Variants in CCNG1 observed in about 807,000 individuals in gnomAD.
CCNG1 encodes the protein cyclin-G1.
CCNG1 carries 13 observed loss-of-function variants against 30.0 expected under a neutral mutation model. The ratio of observed to expected loss-of-function variants is 0.43; its 90% CI spans 0.28 to 0.69. The LOEUF (loss-of-function observed/expected upper bound fraction) is 0.69. CCNG1 is among the 30% of genes least tolerant of loss of function. CCNG1 has a pLI of 0.16. For synonymous variants in CCNG1, 110 were observed against 121.5 expected (o/e 0.91, Z 0.62); for missense variants, 285 against 331.4 (o/e 0.86, Z 1.09).
intron 1 of CCNG1, among the ~76,000 whole-genome samples, chr5:163,438,712 A>G (rs1339976728): frequency 6.6e-6 from 1 of 152,202 alleles, no homozygotes; most frequent in Non-Finnish European, 1.5e-5. Flanking sequence ...TTTCTTGAAG[A>G]TTTGCATTTT....
rs986873915 is a variant in CCNG1 at position 163,444,792 on chromosome 5, A to T, written c.*1122A>T. 9.2e-5 allele frequency: 14 copies of T among 152,664 alleles called. No individual in the cohort carries two copies. Among genetic ancestry groups the T allele is most frequent in the African/African-American group, 3.4e-4 (14 of 41,456 alleles). The allele number at this position is 152,664 out of a possible 1,614,324, so 9.5% of individuals were successfully genotyped here. The stretch of plus-strand genomic sequence containing the variant: ...GCTATATCCAATTTGACATCACGTT[A>T]TGGATCAGTACACAATGAAAAACCA... On this transcript the variant is annotated 3_prime_UTR_variant, in exon 7 of 7. Coordinates refer to ENST00000340828, the MANE Select transcript of CCNG1 (RefSeq NM_004060.4).
chr5:163,445,306 T>G (rs1561622071), downstream of CCNG1, among the ~76,000 whole-genome samples: 1 of 152,124 alleles, frequency 6.6e-6, no homozygotes. Context: ...ATTAATAATA[T>G]GACTATTAGC....
In CCNG1 at chr5:163,441,160, C is replaced by T. The variant is rs142761950; in HGVS notation, c.347C>T (p.Pro116Leu). 3 of 1,613,788 alleles carry T rather than the reference C, an allele frequency of 1.9e-6. No homozygotes were observed. Among genetic ancestry groups the T allele is most frequent in the African/African-American group, 2.7e-5 (2 of 74,878 alleles). The change falls in exon 3 of 7, where the codon CCA (proline) becomes CTA (leucine). Residue 116 changes from proline to leucine, a missense_variant. Transcript: ENST00000340828. ...VKSIEEERNVPLATDLIRISQ... is the reference protein window; with the variant it reads ...VKSIEEERNVLLATDLIRISQ... ...TCAATAGAAGAGGAAAGGAATGTCCCATTGGCAACTGACTTGATCCGAATA... is the reference window on the plus strand; with the variant it reads ...TCAATAGAAGAGGAAAGGAATGTCCTATTGGCAACTGACTTGATCCGAATA...
At chr5:163,439,609 C>T in intron 2 of CCNG1, 89 bp downstream of exon 2, 4 of 1,051,976 alleles carry the variant, frequency 3.8e-6, no homozygotes, top group African/African-American at 2.1e-5. Context: ...TAAACTTGAC[C>T]TTTTTTTTTT....
At chr5:163,453,173 T>C in the CCNG1 span, 1 of 152,088 alleles carries the variant, frequency 6.6e-6, no homozygotes, top group African/African-American at 2.4e-5. Context: ...GATTTAAAAT[T>C]TTTTCAAGAG....
the CCNG1 span, chr5:163,457,054 GA>G: frequency 6.2e-7 from 1 of 1,603,652 alleles, no homozygotes; most frequent in Non-Finnish European, 8.5e-7. Flanking sequence ...GTCTTTGTAA[GA>G]ACAATACGAA....
In CCNG1 at chr5:163,442,401, C is replaced by T; in HGVS notation, c.724C>T (p.Gln242Ter). The T allele has an allele frequency of 6.2e-7, 1 of 1,612,836 alleles. No individual in the cohort carries two copies. The highest frequency in any genetic ancestry group is 8.5e-7 in the Non-Finnish European group (1 of 1,179,526). Reference sequence around the variant, plus strand: ...AAATGGCAGAGATCTGACCTTCTGGCAAGAGCTTGTATCCAAATGTTTAAC... The same window carrying T: ...AAATGGCAGAGATCTGACCTTCTGGTAAGAGCTTGTATCCAAATGTTTAAC... ...KINGRDLTFW[Q>*]ELVSKCLTEY... is the part of the protein sequence containing the mutation. The change falls in exon 6 of 7, where the codon CAA becomes TAA. Residue 242 changes from glutamine (Q) to a stop codon, truncating the protein, a stop_gained. Transcript: ENST00000340828. LOFTEE classifies it high-confidence loss of function.
At position 163,439,314 on chromosome 5, in the gene CCNG1, C is replaced by CT; in HGVS notation, c.59dup (p.Leu21ValfsTer6). The CT allele has an allele frequency of 1.2e-6, 2 of 1,614,032 alleles. No homozygotes were observed. The highest frequency in any genetic ancestry group is 2.2e-5 in the South Asian group (2 of 91,086). On this transcript the variant is annotated frameshift_variant, in exon 2 of 7. Transcript: ENST00000340828. LOFTEE classifies it high-confidence loss of function. ...GAAACTGCTACACCAGCTGAATGCC[C>CT]TGTTGGAACAGGAGTCTAGATGTCA...
Position 163,441,386 on chromosome 5 carries a change from T to C in CCNG1, c.518+55T>C, listed in dbSNP as rs370880408. 1,113 of 1,497,236 alleles carry C rather than the reference T, an allele frequency of 7.4e-4. 12 individuals are homozygous for C. In the South Asian group the frequency reaches 0.012, roughly 16 times the overall value. The allele number at this position is 1,497,236 out of a possible 1,614,324, so 92.7% of individuals were successfully genotyped here. On this transcript the variant is annotated intron_variant, in intron 3 of 6. Transcript: ENST00000340828. ...ATTTGGAAATCAGAATGGTATTGTATGGATATTGCATAAAATCAGTATCCT... is the reference window on the plus strand; with the variant it reads ...ATTTGGAAATCAGAATGGTATTGTACGGATATTGCATAAAATCAGTATCCT...
chr5:163,453,654 C>T, the CCNG1 span: 2 of 180,476 alleles, frequency 1.1e-5, no homozygotes, highest in African/African-American at 2.3e-5. Context: ...CCCTTCATTT[C>T]ACATGATCTA....
the CCNG1 span, among the ~76,000 whole-genome samples, chr5:163,455,753 G>A: frequency 3.5e-5 from 5 of 142,636 alleles, no homozygotes; most frequent in Middle Eastern, 3.7e-3. Flanking sequence ...AAAAAAAAAA[G>A]AACTGCTCTA....
intron 1 of CCNG1, among the ~76,000 whole-genome samples, chr5:163,438,886 C>T (rs576542746): frequency 6.6e-6 from 1 of 152,184 alleles, no homozygotes; most frequent in East Asian, 1.9e-4. Context: ...ATTAGCTGGG[C>T]GCGGTGGCGC....
chr5:163,448,595 A>AGAAT (rs1430124543), downstream of CCNG1: 2 of 152,246 alleles, frequency 1.3e-5, no homozygotes, highest in Non-Finnish European at 2.9e-5. Flanking sequence ...TCTTCCAGAA[A>AGAAT]GAATAATCAC....
the CCNG1 span, among the ~76,000 whole-genome samples, chr5:163,456,597 G>C: frequency 5.3e-5 from 8 of 152,064 alleles, no homozygotes; most frequent in Non-Finnish European, 1.2e-4. Flanking sequence ...CATGGAATGG[G>C]GAGAATGGTG....
chr5:163,455,259 A>T, the CCNG1 span, among the ~76,000 whole-genome samples: 1 of 152,256 alleles, frequency 6.6e-6, no homozygotes, highest in African/African-American at 2.4e-5. Flanking sequence ...CTGTGGGAGA[A>T]GAGCATTGCA....
the CCNG1 span, among the ~76,000 whole-genome samples, chr5:163,455,316 A>G: frequency 6.6e-6 from 1 of 152,242 alleles, no homozygotes; most frequent in Admixed American, 6.5e-5. Context: ...AAGGAACAGC[A>G]AACAGGCCAG....
chr5:163,441,356 G>C, intron 3 of CCNG1, 25 bp downstream of exon 3: 2 of 1,600,850 alleles, frequency 1.2e-6, no homozygotes, highest in Non-Finnish European at 1.7e-6. Context: ...TTTTGAACAA[G>C]AGACATTTGG....
intron 5 of CCNG1, 86 bp from the exon 6 acceptor site, chr5:163,442,288 T>A: frequency 8.5e-7 from 1 of 1,174,178 alleles, no homozygotes; most frequent in Non-Finnish European, 1.2e-6. Context: ...CAAAGACACA[T>A]GTTCATAGGA....
chr5:163,455,226 T>C, the CCNG1 span, among the ~76,000 whole-genome samples: 13 of 151,872 alleles, frequency 8.6e-5, no homozygotes, highest in Admixed American at 8.5e-4. Flanking sequence ...AGCAATGATA[T>C]GAAAACATAA....
Sources: gnomAD v4.1 joint callset for allele counts (sites outside exome capture counted in the v4.1 genomes callset) on GRCh38, gnomAD v4.1.1 for gene constraint, MANE v1.5 for transcripts, NCBI Gene and HGNC (gene_info 2026-07-23, HGNC 2026-07-21) for gene names.